DAAM2: variants seen among roughly 807,000 people sequenced by gnomAD.
The protein encoded by DAAM2 is dishevelled associated activator of morphogenesis 2.
DAAM2 carries 39 observed loss-of-function variants against 120.7 expected under a neutral mutation model. That is an observed-to-expected ratio of 0.32 (90% CI 0.25 to 0.42). DAAM2 has a LOEUF of 0.42. Ranked by LOEUF, DAAM2 falls within the 10% of genes least tolerant of loss-of-function variation. The probability of loss-of-function intolerance (pLI) is 1.00; values close to 1 mark genes in which losing one functional copy is unlikely to be tolerated. For missense variants in DAAM2, 1,283 were observed against 1,401.7 expected (o/e 0.92, Z 1.35); for synonymous variants, 488 against 524.9 (o/e 0.93, Z 0.96).
chr6:39,889,957 A>G (rs558775308), intron 17 of DAAM2, among the ~76,000 whole-genome samples: 1 of 152,162 alleles, frequency 6.6e-6, no homozygotes, highest in African/African-American at 2.4e-5. Flanking sequence ...GTGAGACCCC[A>G]TCTTTACTAA....
chr6:39,830,903 T>C (rs1762859187), intron 1 of DAAM2, among the ~76,000 whole-genome samples: 2 of 152,140 alleles, frequency 1.3e-5, no homozygotes, highest in South Asian at 2.1e-4. Context: ...AGGCCCTTCC[T>C]CCATCAGGCA....
At chr6:39,800,453 A>G (rs1461854460) in intron 1 of DAAM2, among the ~76,000 whole-genome samples, 2 of 152,210 alleles carry the variant, frequency 1.3e-5, no homozygotes, top group African/African-American at 2.4e-5. Context: ...ATTGGAGAAC[A>G]GTTTTGATGG....
In DAAM2 at chr6:39,902,033, A is replaced by G; in HGVS notation, c.3203A>G (p.Tyr1068Cys). The change falls in exon 25 of 25, where the codon TAT becomes TGT. Residue 1068 changes from tyrosine to cysteine, a missense_variant. By Grantham distance (194) the Tyr-to-Cys change is radical. Transcript: ENST00000274867. Reference protein sequence around the residue: ...TRERAINRLNY With the variant: ...TRERAINRLNC ...GAGCGGGCAATAAACCGGCTAAATT[A>G]TTGACCTGGGGAACTAGCCACACAG... 1 of 1,603,100 alleles carries G rather than the reference A, an allele frequency of 6.2e-7. No individual in the cohort carries two copies. Among genetic ancestry groups the G allele is most frequent in the Non-Finnish European group, 8.5e-7 (1 of 1,172,672 alleles).
chr6:39,810,060 T>G (rs1246873637), intron 1 of DAAM2, among the ~76,000 whole-genome samples: 3 of 152,142 alleles, frequency 2.0e-5, no homozygotes, highest in Non-Finnish European at 4.4e-5. Context: ...AGAAAGAAAA[T>G]GACAATGCAT....
chr6:39,832,295 TCTC>T (rs1159325758), intron 1 of DAAM2, among the ~76,000 whole-genome samples: 1 of 151,922 alleles, frequency 6.6e-6, no homozygotes, highest in Non-Finnish European at 1.5e-5. Flanking sequence ...CCTTCTCCCC[TCTC>T]CTCCTATGCC....
chr6:39,887,425 C>G, intron 15 of DAAM2, 61 bp from the exon 16 acceptor site: 1 of 1,208,754 alleles, frequency 8.3e-7, no homozygotes, highest in South Asian at 1.3e-5. Flanking sequence ...TCTTGCGGGG[C>G]GGGTAAGAGG....
chr6:39,860,370 T>C (rs1294358915), intron 2 of DAAM2, among the ~76,000 whole-genome samples: 1 of 152,208 alleles, frequency 6.6e-6, no homozygotes, highest in Non-Finnish European at 1.5e-5. Flanking sequence ...CAGCCCCTTG[T>C]CCTCACCAGC....
intron 19 of DAAM2, among the ~76,000 whole-genome samples, chr6:39,894,597 G>A (rs965538652): frequency 4.8e-5 from 7 of 146,390 alleles, no homozygotes; most frequent in African/African-American, 1.8e-4. Context: ...AGTTTTATCG[G>A]TTTTGAACTT....
At chr6:39,802,454 G>GA (rs1446066919) in intron 1 of DAAM2, among the ~76,000 whole-genome samples, 1 of 151,984 alleles carries the variant, frequency 6.6e-6, no homozygotes, top group Non-Finnish European at 1.5e-5. Flanking sequence ...TAAAAAAAAA[G>GA]AAAAAAGAAA....
chr6:39,829,833 C>T (rs764735026), intron 1 of DAAM2, among the ~76,000 whole-genome samples: 11 of 152,132 alleles, frequency 7.2e-5, no homozygotes, highest in South Asian at 2.1e-4. Flanking sequence ...TCCCCAGAGC[C>T]GTTCTGAGCC....
Position 39,889,689 on chromosome 6 carries a change from C to G in DAAM2, c.2145+926C>G, listed in dbSNP as rs1291668394. ...CATATAACTTTTGACTTCCCAACAA[C>G]TTAGCCGCTAATTGCCTACTGTTGA... On this transcript the variant is annotated intron_variant, in intron 17 of 24. Coordinates refer to ENST00000274867, the MANE Select transcript of DAAM2 (RefSeq NM_001201427.2). Among the ~76,000 whole-genome samples the G allele has an allele frequency of 2.6e-5, 4 of 152,342 alleles. 1 individual carries two copies. The highest frequency in any genetic ancestry group is 4.1e-4 in the South Asian group (2 of 4,828).
intron 1 of DAAM2, among the ~76,000 whole-genome samples, chr6:39,824,733 C>T (rs1289161582): frequency 6.6e-6 from 1 of 152,146 alleles, no homozygotes; most frequent in East Asian, 1.9e-4. Flanking sequence ...CCACTGGTGC[C>T]TTCTCGGCAA....
At chr6:39,842,497 G>A (rs939241578) in intron 1 of DAAM2, among the ~76,000 whole-genome samples, 7 of 152,070 alleles carry the variant, frequency 4.6e-5, no homozygotes, top group African/African-American at 1.7e-4. Flanking sequence ...GCCGGGCGTG[G>A]TGGTGCATGC....
At chr6:39,899,740 A>C (rs1766357073) in intron 22 of DAAM2, 1 of 201,624 alleles carries the variant, frequency 5.0e-6, no homozygotes, top group African/African-American at 2.3e-5. Flanking sequence ...TAATTTGTGC[A>C]TGAGTCACCT....
intron 1 of DAAM2, among the ~76,000 whole-genome samples, chr6:39,853,018 A>G (rs898408738): frequency 7.9e-5 from 12 of 152,276 alleles, no homozygotes; most frequent in Middle Eastern, 3.4e-3. Flanking sequence ...GGCTATGGCT[A>G]TGGGGGAGCT....
In DAAM2 at chr6:39,879,213, C is replaced by A; in HGVS notation, c.1581C>A (p.Gly527=). The stretch of plus-strand genomic sequence containing the variant: ...TATCTTCCCCACCACCCCCTGGGGG[C>A]CCACTCACCTTGTCTTCCTCAATGA... ...GPVSSPPPPG[G]PLTLSSSMTT... The change falls in exon 14 of 25, where the codon GGC becomes GGA. Residue 527 remains glycine, a synonymous_variant. Transcript: ENST00000274867. 6.5e-7 allele frequency: 1 copy of A among 1,549,798 alleles called. No homozygotes were observed.
At chr6:39,874,980 A>C (rs1582715367) in intron 10 of DAAM2, among the ~76,000 whole-genome samples, 1 of 152,326 alleles carries the variant, frequency 6.6e-6, no homozygotes, top group East Asian at 1.9e-4. Flanking sequence ...AATATTTTGG[A>C]GCAGGTGGTT....
intron 1 of DAAM2, among the ~76,000 whole-genome samples, chr6:39,837,371 C>T (rs1763140655): frequency 6.6e-6 from 1 of 152,096 alleles, no homozygotes; most frequent in Non-Finnish European, 1.5e-5. Flanking sequence ...TGCATTTGGC[C>T]AGTAAACCCA....
At chr6:39,842,867 G>A (rs1383244871) in intron 1 of DAAM2, among the ~76,000 whole-genome samples, 1 of 151,898 alleles carries the variant, frequency 6.6e-6, no homozygotes, top group African/African-American at 2.4e-5. Context: ...CATGAGATTG[G>A]GGTGAGGGGT....
Sources: allele counts gnomAD v4.1 joint callset (sites outside exome capture counted in the v4.1 genomes callset), GRCh38; gene constraint gnomAD v4.1.1; transcripts MANE v1.5; gene names NCBI Gene and HGNC (gene_info 2026-07-23, HGNC 2026-07-21).